Variants in GABRG3 observed in about 807,000 individuals in gnomAD.
The protein encoded by GABRG3 is gamma-aminobutyric acid type A receptor subunit gamma3.
In GABRG3, 25 loss-of-function variants were observed where a neutral mutation model predicts 48.8. That is an observed-to-expected ratio of 0.51 (90% CI 0.37 to 0.72). The LOEUF is 0.72. GABRG3 is among the 30% of genes least tolerant of loss of function. GABRG3 has a pLI of 0.00. For missense variants in GABRG3, 394 were observed against 577.9 expected (o/e 0.68, Z 3.26); for synonymous variants, 227 against 217.6 (o/e 1.04, Z -0.38).
chr15:26,986,166 G>A (rs983538896), intron 2 of GABRG3, among the ~76,000 whole-genome samples: 2 of 152,176 alleles, frequency 1.3e-5, no homozygotes, highest in Non-Finnish European at 2.9e-5. Flanking sequence ...GCATACAAAT[G>A]ACTTGTCATT....
intron 3 of GABRG3, among the ~76,000 whole-genome samples, chr15:27,321,384 A>G (rs1284947164): frequency 6.6e-6 from 1 of 152,252 alleles, no homozygotes; most frequent in Non-Finnish European, 1.5e-5. Flanking sequence ...AAGCAGGGAC[A>G]GGCGCCCAGG....
intron 6 of GABRG3, 180 bp downstream of exon 6, chr15:27,480,967 A>G: frequency 7.2e-7 from 1 of 1,384,750 alleles, no homozygotes; most frequent in Non-Finnish European, 9.3e-7. Context: ...TGGGAGAGGG[A>G]TGTTAGAAAT....
intron 5 of GABRG3, among the ~76,000 whole-genome samples, chr15:27,339,859 C>A (rs187643562): frequency 6.6e-5 from 10 of 152,164 alleles, no homozygotes; most frequent in Admixed American, 3.3e-4. Context: ...AAGGTCATGG[C>A]CTTCTCACTC....
chr15:27,469,452 G>A (rs548808171), intron 5 of GABRG3, among the ~76,000 whole-genome samples: 87 of 151,946 alleles, frequency 5.7e-4, no homozygotes, highest in African/African-American at 1.9e-3. Context: ...GCGATTCTCC[G>A]GCCTCAGCCT....
At chr15:27,036,049 G>A (rs1341917736) in intron 3 of GABRG3, among the ~76,000 whole-genome samples, 2 of 152,228 alleles carry the variant, frequency 1.3e-5, no homozygotes, top group Non-Finnish European at 2.9e-5. Flanking sequence ...GCAAGATGCT[G>A]AAGCAGGTAA....
At chr15:27,299,622 T>C (rs1892124815) in intron 3 of GABRG3, among the ~76,000 whole-genome samples, 1 of 152,126 alleles carries the variant, frequency 6.6e-6, no homozygotes, top group Non-Finnish European at 1.5e-5. Flanking sequence ...TCTCTCAAAG[T>C]TGAGTCCCCA....
intron 5 of GABRG3, among the ~76,000 whole-genome samples, chr15:27,387,277 AT>A (rs1319917094): frequency 6.6e-6 from 1 of 151,520 alleles, no homozygotes; most frequent in Non-Finnish European, 1.5e-5. Flanking sequence ...TTGATGAGTC[AT>A]TCTGTATTGT....
At chr15:27,269,602 A>G (rs751085) in intron 3 of GABRG3, among the ~76,000 whole-genome samples, 90,569 of 152,042 alleles carry the variant, frequency 0.6, 27,600 homozygotes, top group Non-Finnish European at 0.65. Context: ...TCACACATCT[A>G]TGTGACTACA....
chr15:27,359,500 A>G (rs1894952641), intron 5 of GABRG3, among the ~76,000 whole-genome samples: 1 of 152,240 alleles, frequency 6.6e-6, no homozygotes, highest in Admixed American at 6.5e-5. Flanking sequence ...TTAAACATAA[A>G]ACAAAGCTAG....
chr15:27,266,484 T>A (rs758131728), intron 3 of GABRG3, among the ~76,000 whole-genome samples: 8 of 152,216 alleles, frequency 5.3e-5, no homozygotes, highest in Non-Finnish European at 1.0e-4. Flanking sequence ...ATCCTGCACA[T>A]TTGTTCTTCT....
At chr15:27,095,073 G>A (rs926094543) in intron 3 of GABRG3, among the ~76,000 whole-genome samples, 11 of 152,232 alleles carry the variant, frequency 7.2e-5, no homozygotes, top group Admixed American at 3.3e-4. Flanking sequence ...AGGCATCTCT[G>A]CAAATGAACA....
At chr15:27,271,592 AG>A (rs1891091772) in intron 3 of GABRG3, 1 of 388,188 alleles carries the variant, frequency 2.6e-6, no homozygotes, top group Non-Finnish European at 5.0e-6. Context: ...TATGCAACCT[AG>A]AGTCAGTCAG....
chr15:27,405,961 A>G (rs908086494), intron 5 of GABRG3, among the ~76,000 whole-genome samples: 1 of 152,154 alleles, frequency 6.6e-6, no homozygotes, highest in Non-Finnish European at 1.5e-5. Flanking sequence ...TGTAAAAGAA[A>G]TAAAGGAGCT....
chr15:27,449,283 A>T (rs1595761495), intron 5 of GABRG3, among the ~76,000 whole-genome samples: 1 of 152,134 alleles, frequency 6.6e-6, no homozygotes, highest in African/African-American at 2.4e-5. Context: ...CTCCTCCCGC[A>T]TCCAGGCACC....
At chr15:27,074,443 G>A (rs369477563) in intron 3 of GABRG3, among the ~76,000 whole-genome samples, 7 of 151,734 alleles carry the variant, frequency 4.6e-5, no homozygotes, top group Non-Finnish European at 8.8e-5. Flanking sequence ...TGTCTCACAC[G>A]CTGCCCACGC....
At chr15:27,421,862 C>T (rs988794259) in intron 5 of GABRG3, among the ~76,000 whole-genome samples, 1 of 151,290 alleles carries the variant, frequency 6.6e-6, no homozygotes, top group Non-Finnish European at 1.5e-5. Flanking sequence ...TCTAAGATAT[C>T]CATGGGAGTG....
intron 1 of GABRG3, among the ~76,000 whole-genome samples, chr15:26,973,234 C>T (rs1422138617): frequency 6.6e-6 from 1 of 152,206 alleles, no homozygotes; most frequent in Non-Finnish European, 1.5e-5. Flanking sequence ...CAGCCTCTGC[C>T]TTAAAACAGT....
At chr15:27,054,344 A>AAAG (rs1314468468) in intron 3 of GABRG3, among the ~76,000 whole-genome samples, 2 of 152,182 alleles carry the variant, frequency 1.3e-5, no homozygotes, top group African/African-American at 4.8e-5. Flanking sequence ...GGGACCGATC[A>AAAG]AAGCCCAAAC....
intron 3 of GABRG3, among the ~76,000 whole-genome samples, chr15:27,292,881 A>G (rs1216691844): frequency 2.0e-5 from 3 of 152,194 alleles, no homozygotes; most frequent in African/African-American, 7.2e-5. Context: ...TTCCATAGCA[A>G]CTGGGAGATC....
Sources: allele counts gnomAD v4.1 joint callset (sites outside exome capture counted in the v4.1 genomes callset), GRCh38; gene constraint gnomAD v4.1.1; transcripts MANE v1.5; gene names NCBI Gene and HGNC (gene_info 2026-07-23, HGNC 2026-07-21).